The following CADPS variants were observed in gnomAD, a reference collection of about 807,000 sequenced individuals.
The protein encoded by CADPS is calcium dependent secretion activator.
CADPS carries 57 observed loss-of-function variants against 167.3 expected under a neutral mutation model. That is an observed-to-expected ratio of 0.34 (90% CI 0.28 to 0.42). The LOEUF (loss-of-function observed/expected upper bound fraction) is 0.42. CADPS is among the 20% of genes least tolerant of loss of function. The pLI is 1.00. For synonymous variants in CADPS, 676 were observed against 635.3 expected (o/e 1.06, Z -0.96); for missense variants, 1,414 against 1,738.1 (o/e 0.81, Z 3.32).
intron 5 of CADPS, among the ~76,000 whole-genome samples, chr3:62,646,575 T>C (rs989674836): frequency 3.3e-5 from 5 of 152,182 alleles, no homozygotes; most frequent in Admixed American, 1.3e-4. Flanking sequence ...TAAGTAATAG[T>C]GCAAATACTA....
chr3:62,727,028 T>C (rs959128651), intron 3 of CADPS, among the ~76,000 whole-genome samples: 3 of 151,842 alleles, frequency 2.0e-5, no homozygotes, highest in Admixed American at 2.0e-4. Flanking sequence ...GCTGTGCTTA[T>C]TAGTAAAAAC....
intron 1 of CADPS, among the ~76,000 whole-genome samples, chr3:62,824,273 T>C (rs2073618930): frequency 6.6e-6 from 1 of 152,124 alleles, no homozygotes; most frequent in Non-Finnish European, 1.5e-5. Flanking sequence ...GAGTTAGTGA[T>C]GTTTGTTTGA....
At position 62,779,768 on chromosome 3, in the gene CADPS, C is replaced by T. The variant is rs1238270289; in HGVS notation, c.442-13784G>A. 6 of 323,694 alleles carry T rather than the reference C, an allele frequency of 1.9e-5. No homozygotes were observed. The East Asian group carries it at 4.7e-4, about 25-fold the overall frequency. The allele number at this position is 323,694 out of a possible 1,614,324, so 20.1% of individuals were successfully genotyped here. On this transcript the variant is annotated intron_variant, in intron 1 of 29. Transcript: ENST00000383710. ...AGATGTAGGTTACCTGGCCAACCTC[C>T]ACGAAGCTCCTCAACACAATGTCAG...
chr3:62,867,917 A>G (rs2081998813), intron 1 of CADPS, among the ~76,000 whole-genome samples: 1 of 152,088 alleles, frequency 6.6e-6, no homozygotes, highest in Non-Finnish European at 1.5e-5. Flanking sequence ...TTAATTGTCT[A>G]AGATCACAGA....
In CADPS at chr3:62,799,568, A is replaced by G. The variant is rs570031741; in HGVS notation, c.442-33584T>C. Among the ~76,000 whole-genome samples, 4 of 152,332 alleles carry G rather than the reference A, an allele frequency of 2.6e-5. No individual in the cohort carries two copies. The South Asian group carries it at 8.3e-4, about 32-fold the overall frequency. Reference sequence around the variant, plus strand: ...AAGATAATGTTAGGATTACAGGCACAAATTCTAGAGTCAAATCAACCTGCA... The same window carrying G: ...AAGATAATGTTAGGATTACAGGCACGAATTCTAGAGTCAAATCAACCTGCA... On this transcript the variant is annotated intron_variant, in intron 1 of 29. Coordinates refer to ENST00000383710, the MANE Select transcript of CADPS (RefSeq NM_003716.4).
At chr3:62,694,595 G>C (rs375505283) in intron 3 of CADPS, among the ~76,000 whole-genome samples, 34 of 152,000 alleles carry the variant, frequency 2.2e-4, no homozygotes, top group African/African-American at 8.0e-4. Flanking sequence ...TGCCTTCTTG[G>C]TGTACAATGC....
chr3:62,734,144 G>A (rs1335905145), intron 3 of CADPS, among the ~76,000 whole-genome samples: 2 of 152,106 alleles, frequency 1.3e-5, no homozygotes, highest in Non-Finnish European at 2.9e-5. Flanking sequence ...AAAAGGGCGA[G>A]CTTTATGGGC....
intron 3 of CADPS, among the ~76,000 whole-genome samples, chr3:62,720,407 T>G (rs2075550974): frequency 6.6e-6 from 1 of 151,902 alleles, no homozygotes; most frequent in Non-Finnish European, 1.5e-5. Context: ...ATCATAACAT[T>G]GAACTCCTGG....
At chr3:62,775,907 T>C (rs929229030) in intron 1 of CADPS, among the ~76,000 whole-genome samples, 5 of 152,216 alleles carry the variant, frequency 3.3e-5, no homozygotes, top group African/African-American at 1.2e-4. Context: ...TGGCCGTTTT[T>C]AAGCAGGAAG....
At chr3:62,531,033 T>C (rs1156964201) in intron 13 of CADPS, among the ~76,000 whole-genome samples, 1 of 152,218 alleles carries the variant, frequency 6.6e-6, no homozygotes, top group Non-Finnish European at 1.5e-5. Context: ...ACTGTTTCCA[T>C]GACAAGATGT....
At chr3:62,792,465 C>T (rs527946436) in intron 1 of CADPS, among the ~76,000 whole-genome samples, 2 of 151,784 alleles carry the variant, frequency 1.3e-5, no homozygotes, top group Non-Finnish European at 2.9e-5. Context: ...CAGCCTCCCA[C>T]AGTGTTGGGA....
chr3:62,434,280 G>A (rs567436535), intron 28 of CADPS, among the ~76,000 whole-genome samples: 2 of 152,136 alleles, frequency 1.3e-5, no homozygotes, highest in East Asian at 1.9e-4. Flanking sequence ...ATATAAAAAC[G>A]CAGATAAAAA....
chr3:62,858,172 G>T (rs2080070043), intron 1 of CADPS, among the ~76,000 whole-genome samples: 1 of 152,164 alleles, frequency 6.6e-6, no homozygotes, highest in African/African-American at 2.4e-5. Context: ...CCAGATGAAA[G>T]GTGGGCTCCA....
chr3:62,664,561 T>C (rs946987175), intron 3 of CADPS, among the ~76,000 whole-genome samples: 4 of 152,248 alleles, frequency 2.6e-5, no homozygotes, highest in African/African-American at 9.6e-5. Context: ...CCAAAAGTTC[T>C]TCAGCTCTAA....
At chr3:62,468,954 A>G (rs541935101) in intron 24 of CADPS, among the ~76,000 whole-genome samples, 2 of 152,304 alleles carry the variant, frequency 1.3e-5, no homozygotes, top group Admixed American at 1.3e-4. Flanking sequence ...ATGCATGGAA[A>G]CGTGGTTTAG....
At chr3:62,817,491 G>A (rs2094680936) in intron 1 of CADPS, among the ~76,000 whole-genome samples, 1 of 152,108 alleles carries the variant, frequency 6.6e-6, no homozygotes, top group South Asian at 2.1e-4. Flanking sequence ...GCACAGTTTG[G>A]ATGTTTAAGT....
intron 6 of CADPS, among the ~76,000 whole-genome samples, chr3:62,598,508 T>C (rs2059244729): frequency 6.6e-6 from 1 of 152,264 alleles, no homozygotes; most frequent in Non-Finnish European, 1.5e-5. Context: ...CGGAGAGATC[T>C]GGCTATATTT....
chr3:62,659,285 C>G (rs934160257), intron 4 of CADPS, among the ~76,000 whole-genome samples: 2 of 152,110 alleles, frequency 1.3e-5, no homozygotes, highest in African/African-American at 4.8e-5. Context: ...GGTGATTTGT[C>G]TTAATATCTC....
At chr3:62,759,369 T>C (rs951265135) in intron 2 of CADPS, among the ~76,000 whole-genome samples, 5 of 152,142 alleles carry the variant, frequency 3.3e-5, no homozygotes, top group African/African-American at 1.2e-4. Context: ...TTAAATAGAA[T>C]ATCATGCAGC....
Sources: gnomAD v4.1 joint callset for allele counts (sites outside exome capture counted in the v4.1 genomes callset) on GRCh38, gnomAD v4.1.1 for gene constraint, MANE v1.5 for transcripts, NCBI Gene and HGNC (gene_info 2026-07-23, HGNC 2026-07-21) for gene names.